Variants in NKAIN3 observed in about 807,000 individuals in gnomAD.
NKAIN3 encodes sodium/potassium transporting ATPase interacting 3.
In NKAIN3, 25 loss-of-function variants were observed where a neutral mutation model predicts 30.2. The ratio of observed to expected loss-of-function variants is 0.83; its 90% CI spans 0.60 to 1.16. The LOEUF is 1.16. Ranked by LOEUF, NKAIN3 falls within the 50% of genes most tolerant of loss-of-function variation. The pLI, the probability that NKAIN3 is intolerant of heterozygous loss-of-function variation, is 0.00. For synonymous variants in NKAIN3, 91 were observed against 89.6 expected (o/e 1.02, Z -0.09); for missense variants, 225 against 254.1 (o/e 0.89, Z 0.78).
intron 3 of NKAIN3, among the ~76,000 whole-genome samples, chr8:62,709,190 G>T (rs1475183144): frequency 2.0e-5 from 3 of 151,920 alleles, no homozygotes; most frequent in East Asian, 1.9e-4. Context: ...TTCTTTTCTG[G>T]CTATGTCCTT....
intron 3 of NKAIN3, among the ~76,000 whole-genome samples, chr8:62,610,079 C>A (rs1024149040): frequency 2.0e-5 from 3 of 152,084 alleles, no homozygotes; most frequent in African/African-American, 7.2e-5. Flanking sequence ...GGTGCAGTGG[C>A]TCATGCCTAT....
At chr8:62,335,432 CAAAAA>C (rs5891845) in intron 1 of NKAIN3, among the ~76,000 whole-genome samples, 2 of 82,192 alleles carry the variant, frequency 2.4e-5, no homozygotes, top group African/African-American at 9.3e-5. Flanking sequence ...GACTCTGTCT[CAAAAA>C]AAAAAAAAAA....
At chr8:62,928,738 C>T (rs908118010) in intron 5 of NKAIN3, among the ~76,000 whole-genome samples, 2 of 152,194 alleles carry the variant, frequency 1.3e-5, no homozygotes, top group Non-Finnish European at 1.5e-5. Context: ...GGAAGCCGCA[C>T]GTTTCAAATG....
chr8:62,616,027 G>A (rs936619), intron 3 of NKAIN3, among the ~76,000 whole-genome samples: 40,118 of 151,952 alleles, frequency 0.26, 5,851 homozygotes, highest in African/African-American at 0.39. Flanking sequence ...GATCGGTGGC[G>A]TTTTCTATTC....
intron 1 of NKAIN3, among the ~76,000 whole-genome samples, chr8:62,331,107 G>A (rs188189794): frequency 1.5e-3 from 212 of 143,286 alleles, no homozygotes; most frequent in Non-Finnish European, 2.8e-3. Context: ...ATATATATAT[G>A]TATATATGTA....
At chr8:62,385,379 A>G (rs1457092627) in intron 1 of NKAIN3, among the ~76,000 whole-genome samples, 1 of 152,190 alleles carries the variant, frequency 6.6e-6, no homozygotes. Flanking sequence ...TTATAAACTG[A>G]AACTCGGAGA....
At chr8:62,457,116 A>G (rs1475318396) in intron 1 of NKAIN3, among the ~76,000 whole-genome samples, 1 of 152,196 alleles carries the variant, frequency 6.6e-6, no homozygotes, top group East Asian at 1.9e-4. Context: ...AACTAAAATA[A>G]TGAAAGTTAG....
intron 6 of NKAIN3, among the ~76,000 whole-genome samples, chr8:62,958,037 A>G (rs1823470281): frequency 6.6e-6 from 1 of 152,146 alleles, no homozygotes; most frequent in Admixed American, 6.5e-5. Flanking sequence ...TAAAATATTA[A>G]GTCTTTAAGG....
At chr8:62,288,211 C>T (rs908038887) in intron 1 of NKAIN3, among the ~76,000 whole-genome samples, 1 of 151,910 alleles carries the variant, frequency 6.6e-6, no homozygotes, top group South Asian at 2.1e-4. Context: ...TTTTCATCAG[C>T]GTTTACCTTA....
intron 3 of NKAIN3, among the ~76,000 whole-genome samples, chr8:62,666,084 G>A (rs1586066716): frequency 1.3e-5 from 2 of 152,030 alleles, no homozygotes; most frequent in South Asian, 2.1e-4. Context: ...CGTGGTGGTG[G>A]GCGCCTGTAA....
At chr8:62,851,666 A>G (rs1819902017) in intron 4 of NKAIN3, among the ~76,000 whole-genome samples, 1 of 152,164 alleles carries the variant, frequency 6.6e-6, no homozygotes, top group African/African-American at 2.4e-5. Context: ...TTTAGCATGA[A>G]GCATTGTTGA....
intron 4 of NKAIN3, among the ~76,000 whole-genome samples, chr8:62,836,914 T>C (rs760233409): frequency 1.3e-5 from 2 of 152,032 alleles, no homozygotes; most frequent in African/African-American, 4.8e-5. Flanking sequence ...AAACCTTTTA[T>C]TAAACAAAAA....
intron 4 of NKAIN3, among the ~76,000 whole-genome samples, chr8:62,791,262 A>C (rs1031461915): frequency 1.3e-5 from 2 of 152,112 alleles, no homozygotes; most frequent in Non-Finnish European, 1.5e-5. Flanking sequence ...AAGAACATAA[A>C]ATGAACAGCT....
At chr8:62,322,430 G>C (rs966322306) in intron 1 of NKAIN3, among the ~76,000 whole-genome samples, 1 of 151,954 alleles carries the variant, frequency 6.6e-6, no homozygotes. Flanking sequence ...CACACTGGGA[G>C]CTGTAGACTG....
At chr8:62,382,613 AAT>A (rs1289000405) in intron 1 of NKAIN3, among the ~76,000 whole-genome samples, 1 of 152,168 alleles carries the variant, frequency 6.6e-6, no homozygotes, top group East Asian at 1.9e-4. Flanking sequence ...AAGTAAAAGC[AAT>A]ATTTAATTAT....
chr8:62,880,525 G>C (rs182669066), intron 4 of NKAIN3, among the ~76,000 whole-genome samples: 1 of 152,196 alleles, frequency 6.6e-6, no homozygotes, highest in Non-Finnish European at 1.5e-5. Context: ...GGGATGAGAA[G>C]AGATAGAGGA....
At chr8:62,261,800 G>A (rs771149849) in intron 1 of NKAIN3, among the ~76,000 whole-genome samples, 9 of 152,076 alleles carry the variant, frequency 5.9e-5, no homozygotes, top group South Asian at 2.1e-4. Context: ...GTTACAATGC[G>A]GAACAAAATC....
chr8:62,528,787 T>C (rs1808398126), intron 1 of NKAIN3, among the ~76,000 whole-genome samples: 1 of 152,150 alleles, frequency 6.6e-6, no homozygotes, highest in African/African-American at 2.4e-5. Flanking sequence ...TTTTCTGTTA[T>C]TTGCAACCAC....
chr8:62,459,544 G>A (rs138021561), intron 1 of NKAIN3, among the ~76,000 whole-genome samples: 158 of 152,216 alleles, frequency 1.0e-3, no homozygotes, highest in African/African-American at 3.4e-3. Context: ...GGTAGAAGAA[G>A]CCAAACAATG....
Sources: gnomAD v4.1 joint callset for allele counts (sites outside exome capture counted in the v4.1 genomes callset) on GRCh38, gnomAD v4.1.1 for gene constraint, MANE v1.5 for transcripts, NCBI Gene and HGNC (gene_info 2026-07-23, HGNC 2026-07-21) for gene names.